IHO1: variants seen among roughly 807,000 people sequenced by gnomAD.
IHO1 encodes interactor of HORMAD1 protein 1.
A neutral mutation model predicts 31.0 loss-of-function variants in IHO1; 13 were observed. The observed-to-expected ratio is 0.42, with a 90% confidence interval of 0.27 to 0.67. The LOEUF is 0.67. Among genes scored for constraint, IHO1 ranks in the 30% least tolerant of loss-of-function variants. The pLI is 0.24. For synonymous variants in IHO1, 221 were observed against 248.4 expected (o/e 0.89, Z 1.04); for missense variants, 599 against 687.5 (o/e 0.87, Z 1.44).
At chr3:49,244,811 T>A (rs1305388538) in intron 6 of IHO1, 78 bp downstream of exon 6, 1 of 1,281,750 alleles carries the variant, frequency 7.8e-7, no homozygotes, top group South Asian at 1.2e-5. Flanking sequence ...CCAGCCTGGT[T>A]TCCAGTGGTG....
intron 6 of IHO1, among the ~76,000 whole-genome samples, chr3:49,253,727 T>C (rs1434212538): frequency 6.6e-6 from 1 of 152,214 alleles, no homozygotes; most frequent in African/African-American, 2.4e-5. Flanking sequence ...CAGTACGCTT[T>C]TCCTTTAGAG....
intron 3 of IHO1, among the ~76,000 whole-genome samples, chr3:49,239,440 C>T (rs1381564057): frequency 6.6e-6 from 1 of 151,588 alleles, no homozygotes; most frequent in African/African-American, 2.4e-5. Context: ...CACCACCACG[C>T]CCAGCTAATT....
intron 1 of IHO1, among the ~76,000 whole-genome samples, chr3:49,201,567 G>A (rs1304878892): frequency 6.6e-6 from 1 of 152,088 alleles, no homozygotes; most frequent in Non-Finnish European, 1.5e-5. Context: ...AGGTTGCAGT[G>A]AGCCAAGATC....
intron 6 of IHO1, among the ~76,000 whole-genome samples, chr3:49,254,530 G>A (rs1408176063): frequency 6.6e-6 from 1 of 152,010 alleles, no homozygotes; most frequent in Non-Finnish European, 1.5e-5. Flanking sequence ...GAAAGTAGAA[G>A]GAAGAATAGG....
intron 2 of IHO1, among the ~76,000 whole-genome samples, chr3:49,231,144 C>G (rs2046477433): frequency 6.6e-6 from 1 of 152,116 alleles, no homozygotes. Context: ...CAAATCGCTA[C>G]TATGATAGGA....
At chr3:49,207,489 C>T (rs890825443) in intron 1 of IHO1, among the ~76,000 whole-genome samples, 31 of 151,920 alleles carry the variant, frequency 2.0e-4, no homozygotes, top group African/African-American at 6.8e-4. Flanking sequence ...TGTGATCTGC[C>T]CACCTCGGCC....
In IHO1 at chr3:49,257,112, T is replaced by G. The variant is rs1360935422; in HGVS notation, c.1615T>G (p.Cys539Gly). ...VQGRLLQLSR[C>G]SSQDNWLLSS... ...GGGAAGACTCTTGCAGCTCAGCAGG[T>G]GCTCTTCCCAAGACAACTGGCTACT... The change falls in exon 8 of 8, where the codon TGC (cysteine) becomes GGC (glycine). Residue 539 changes from cysteine (C) to glycine (G), a missense_variant. Cys to Gly is a radical substitution (Grantham distance 159). Coordinates refer to ENST00000452691, the MANE Select transcript of IHO1 (RefSeq NM_001135197.2). 6.2e-7 allele frequency: 1 copy of G among 1,614,048 alleles called. No individual in the cohort carries two copies. Among genetic ancestry groups the G allele is most frequent in the Non-Finnish European group, 8.5e-7 (1 of 1,180,020 alleles).
chr3:49,198,210 A>G (rs1243506680), upstream of IHO1, among the ~76,000 whole-genome samples: 7 of 152,142 alleles, frequency 4.6e-5, no homozygotes, highest in Non-Finnish European at 1.0e-4. Flanking sequence ...TTGAATCCAT[A>G]CACAAATCAG....
At chr3:49,212,454 T>G (rs1296066692) in intron 2 of IHO1, among the ~76,000 whole-genome samples, 2 of 149,504 alleles carry the variant, frequency 1.3e-5, no homozygotes, top group Non-Finnish European at 3.0e-5. Flanking sequence ...AGGCGGAGCT[T>G]GTGGTGGGCT....
At chr3:49,255,000 T>TTGCAGTGA (rs1229798700) in intron 6 of IHO1, among the ~76,000 whole-genome samples, 2 of 151,870 alleles carry the variant, frequency 1.3e-5, no homozygotes, top group African/African-American at 4.8e-5. Context: ...GAGGGGGAAG[T>TTGCAGTGA]TGCAGTGAAC....
chr3:49,224,209 C>A (rs185468979), intron 2 of IHO1, among the ~76,000 whole-genome samples: 2 of 152,184 alleles, frequency 1.3e-5, no homozygotes, highest in Non-Finnish European at 2.9e-5. Context: ...CTGTTTCAGT[C>A]GGGGAATACT....
Position 49,257,292 on chromosome 3 carries a change from A to G in IHO1, c.*10A>G. 6.2e-7 allele frequency: 1 copy of G among 1,608,410 alleles called. No individual in the cohort carries two copies. The highest frequency in any genetic ancestry group is 8.5e-7 in the Non-Finnish European group (1 of 1,176,522). On this transcript the variant is annotated 3_prime_UTR_variant, in exon 8 of 8. Transcript: ENST00000452691. ...TGATGATGGCTTCTGACCAGTCCAC[A>G]GTTGATTTATTGGTCTCAGCTAGAA...
At chr3:49,233,385 T>C (rs548437256) in intron 2 of IHO1, among the ~76,000 whole-genome samples, 8 of 152,328 alleles carry the variant, frequency 5.3e-5, no homozygotes, top group African/African-American at 1.9e-4. Context: ...AAGGACACTC[T>C]ACAAACTTGT....
In IHO1 at chr3:49,256,351, G is replaced by C; in HGVS notation, c.854G>C (p.Arg285Thr). 2 of 1,614,134 alleles carry C rather than the reference G, an allele frequency of 1.2e-6. No individual in the cohort carries two copies. Among genetic ancestry groups the C allele is most frequent in the Non-Finnish European group, 1.7e-6 (2 of 1,180,036 alleles). Reference protein sequence around the residue: ...PPLAQSLNLTRQEKYTSEKPV... With the variant: ...PPLAQSLNLTTQEKYTSEKPV... ...TTGGCCCAGAGCCTCAATCTCACCA[G>C]GCAGGAAAAATACACCTCTGAGAAA... is the stretch of plus-strand genomic sequence containing the variant. The change falls in exon 8 of 8, where the codon AGG becomes ACG. Residue 285 changes from arginine (R) to threonine (T), a missense_variant. Coordinates refer to ENST00000452691, the MANE Select transcript of IHO1 (RefSeq NM_001135197.2). This position sits in a 1 kb window ranked among gnomAD's most constrained non-coding sequence, Gnocchi z 4.6.
intron 3 of IHO1, among the ~76,000 whole-genome samples, chr3:49,240,212 ATTTTTG>A (rs1326146724): frequency 1.3e-5 from 2 of 151,122 alleles, no homozygotes; most frequent in Non-Finnish European, 1.5e-5. Context: ...CGCCCAGCTA[ATTTTTG>A]TTTTTGTTTT....
chr3:49,195,882 ACGAGGTCAGGAGATG>A (rs1575558516), upstream of IHO1, among the ~76,000 whole-genome samples: 8 of 151,512 alleles, frequency 5.3e-5, no homozygotes, highest in East Asian at 1.6e-3. Context: ...TGGGCGGATC[ACGAGGTCAGGAGATG>A]AGACCATCCT....
At chr3:49,194,771 C>G (rs1023611831), upstream of IHO1, among the ~76,000 whole-genome samples, 1 of 151,416 alleles carries the variant, frequency 6.6e-6, no homozygotes, top group African/African-American at 2.4e-5. Context: ...TGACGTGCAC[C>G]TGTGGTCTCA....
intron 6 of IHO1, among the ~76,000 whole-genome samples, chr3:49,251,139 G>C (rs999598989): frequency 1.1e-4 from 16 of 151,120 alleles, no homozygotes; most frequent in African/African-American, 3.7e-4. Flanking sequence ...GGTTTGTTTT[G>C]AGACAGAGTC....
intron 6 of IHO1, chr3:49,245,008 A>G: frequency 1.7e-6 from 1 of 581,358 alleles, no homozygotes; most frequent in Non-Finnish European, 3.1e-6. Flanking sequence ...TAGCTCTGCT[A>G]GGTTTCTCAT....
Sources: allele counts gnomAD v4.1 joint callset (sites outside exome capture counted in the v4.1 genomes callset), GRCh38; gene constraint gnomAD v4.1.1; non-coding constraint Gnocchi (gnomAD v3.1); transcripts MANE v1.5; gene names NCBI Gene and HGNC (gene_info 2026-07-23, HGNC 2026-07-21).